The following VWA8 variants were observed in gnomAD, a reference collection of about 807,000 sequenced individuals.
VWA8 encodes the protein von Willebrand factor A domain-containing protein 8.
VWA8 carries 221 observed loss-of-function variants against 241.5 expected under a neutral mutation model. The ratio of observed to expected loss-of-function variants is 0.91; its 90% CI spans 0.82 to 1.02. VWA8 has a LOEUF of 1.02. Ranked by LOEUF, VWA8 falls within the 50% of genes least tolerant of loss-of-function variation. The pLI is 0.00. For missense variants in VWA8, 2,322 were observed against 2,328.7 expected (o/e 1.00, Z 0.06); for synonymous variants, 852 against 827.1 (o/e 1.03, Z -0.52).
intron 37 of VWA8, among the ~76,000 whole-genome samples, chr13:41,667,377 T>G (rs2044993579): frequency 6.6e-6 from 1 of 152,202 alleles, no homozygotes; most frequent in Non-Finnish European, 1.5e-5. Context: ...TCACTCCTTT[T>G]TATTTTCAAA....
chr13:41,792,784 G>A (rs1416765103), intron 17 of VWA8, among the ~76,000 whole-genome samples: 3 of 151,678 alleles, frequency 2.0e-5, no homozygotes, highest in African/African-American at 4.8e-5. Context: ...AGCATTACAT[G>A]ATATTTATTA....
At chr13:41,595,792 T>G (rs1481871379) in intron 40 of VWA8, among the ~76,000 whole-genome samples, 3 of 152,158 alleles carry the variant, frequency 2.0e-5, no homozygotes, top group African/African-American at 7.2e-5. Context: ...TTAAAAATAA[T>G]GCCACCATAA....
At chr13:41,908,587 A>AAAGGAGGAGGAAAAGG (rs1875838042) in intron 3 of VWA8, among the ~76,000 whole-genome samples, 1 of 152,054 alleles carries the variant, frequency 6.6e-6, no homozygotes, top group Non-Finnish European at 1.5e-5. Context: ...AGGTGATGAA[A>AAAGGAGGAGGAAAAGG]AAGGAGGAGG....
intron 14 of VWA8, among the ~76,000 whole-genome samples, chr13:41,823,028 A>T (rs560119506): frequency 1.4e-4 from 22 of 152,302 alleles, no homozygotes; most frequent in African/African-American, 5.3e-4. Context: ...TTCAGAAAAA[A>T]TTATTTTCAA....
chr13:41,589,936 G>A (rs748168394), intron 41 of VWA8, among the ~76,000 whole-genome samples: 4 of 152,134 alleles, frequency 2.6e-5, no homozygotes, highest in Non-Finnish European at 4.4e-5. Context: ...CTGTGTGGAG[G>A]GGGACTCACC....
chr13:41,886,004 G>A lies in VWA8; in HGVS notation c.891C>T (p.Ala297=), dbSNP rs2138078441. Residue 297 remains alanine, a synonymous_variant, in exon 8 of 45, where the codon GCC becomes GCT. Transcript: ENST00000379310. ...AEKVSQLLSF[A]TTLCSQESST... is the part of the protein sequence containing the mutation. ...AAGATTCTTGGGAACACAGAGTTGT[G>A]GCAAAGGACAAGAGCTGAGAAACTC... 1 of 1,602,846 alleles carries A rather than the reference G, an allele frequency of 6.2e-7. No individual in the cohort carries two copies. Among genetic ancestry groups the A allele is most frequent in the South Asian group, 1.1e-5 (1 of 87,928 alleles).
intron 21 of VWA8, among the ~76,000 whole-genome samples, chr13:41,757,121 A>C (rs2045699726): frequency 6.6e-6 from 1 of 151,736 alleles, no homozygotes; most frequent in African/African-American, 2.4e-5. Flanking sequence ...AGGAAAAACT[A>C]ATTGAATAGC....
chr13:41,685,045 A>G lies in VWA8; in HGVS notation c.4327+2T>C. On this transcript the variant is annotated splice_donor_variant, in intron 35 of 44. Transcript: ENST00000379310. LOFTEE classifies it high-confidence loss of function. ...ATTAGGAATTGGTGAGTTCCTTCTT[A>G]CCTTTTGGGTAGATATCTTTTAGAG... 1.2e-6 allele frequency: 2 copies of G among 1,611,348 alleles called. No homozygotes were observed. The highest frequency in any genetic ancestry group is 1.7e-6 in the Non-Finnish European group (2 of 1,179,126).
At chr13:41,958,823 T>C (rs1405970605) in intron 1 of VWA8, among the ~76,000 whole-genome samples, 1 of 152,248 alleles carries the variant, frequency 6.6e-6, no homozygotes, top group East Asian at 1.9e-4. Flanking sequence ...CTCTGTAATA[T>C]GTCCATGACT....
At chr13:41,743,178 C>T (rs936274718) in intron 21 of VWA8, among the ~76,000 whole-genome samples, 2 of 152,130 alleles carry the variant, frequency 1.3e-5, no homozygotes, top group Non-Finnish European at 2.9e-5. Context: ...CAACGGGAGT[C>T]ATTGCAGGGT....
chr13:41,613,640 A>T (rs781142080), intron 38 of VWA8, among the ~76,000 whole-genome samples: 2 of 152,214 alleles, frequency 1.3e-5, no homozygotes, highest in East Asian at 3.8e-4. Flanking sequence ...GGTGCTCTTC[A>T]TGATCTCCAC....
chr13:41,696,374 G>C (rs1371279366), intron 29 of VWA8, among the ~76,000 whole-genome samples: 3 of 152,164 alleles, frequency 2.0e-5, no homozygotes, highest in African/African-American at 7.2e-5. Flanking sequence ...CTCTTGATTA[G>C]TGAAAGTATT....
intron 3 of VWA8, among the ~76,000 whole-genome samples, chr13:41,908,546 TAGA>T (rs966045436): frequency 9.4e-5 from 14 of 149,512 alleles, no homozygotes; most frequent in Non-Finnish European, 1.5e-4. Context: ...GTAGGAGAAG[TAGA>T]AGGAGGATTT....
At chr13:41,730,243 G>C (rs2045471840) in intron 22 of VWA8, among the ~76,000 whole-genome samples, 1 of 152,160 alleles carries the variant, frequency 6.6e-6, no homozygotes. Flanking sequence ...GTCTATGCTG[G>C]CTGAATTAGA....
At chr13:41,707,423 T>A (rs2045289604) in intron 26 of VWA8, among the ~76,000 whole-genome samples, 1 of 152,224 alleles carries the variant, frequency 6.6e-6, no homozygotes, top group Non-Finnish European at 1.5e-5. Context: ...TATCAACAAT[T>A]CCGAAAACAT....
chr13:41,757,977 G>A (rs189172114), intron 21 of VWA8, among the ~76,000 whole-genome samples: 7 of 151,528 alleles, frequency 4.6e-5, no homozygotes, highest in African/African-American at 1.7e-4. Flanking sequence ...CAGAAATGAC[G>A]GTAGCAGAAA....
At chr13:41,635,113 T>C (rs1399952177) in intron 37 of VWA8, among the ~76,000 whole-genome samples, 2 of 152,202 alleles carry the variant, frequency 1.3e-5, no homozygotes, top group Non-Finnish European at 2.9e-5. Context: ...TTCTGCTGAT[T>C]GATAATATTT....
At chr13:41,573,486 A>AAAAT in intron 43 of VWA8, among the ~76,000 whole-genome samples, 1 of 113,614 alleles carries the variant, frequency 8.8e-6, no homozygotes, top group Non-Finnish European at 1.8e-5. Flanking sequence ...AAAAAAAAAA[A>AAAAT]ATATATATAT....
At chr13:41,628,452 T>A (rs1454707406) in intron 37 of VWA8, among the ~76,000 whole-genome samples, 1 of 152,200 alleles carries the variant, frequency 6.6e-6, no homozygotes, top group African/African-American at 2.4e-5. Context: ...ATTATGCACA[T>A]AAATTCATAC....
Sources: gnomAD v4.1 joint callset for allele counts (sites outside exome capture counted in the v4.1 genomes callset) on GRCh38, gnomAD v4.1.1 for gene constraint, MANE v1.5 for transcripts, NCBI Gene and HGNC (gene_info 2026-07-23, HGNC 2026-07-21) for gene names.